The following UGGT2 variants were observed in gnomAD, a reference collection of about 807,000 sequenced individuals.
UGGT2 encodes UDP-glucose glycoprotein glucosyltransferase 2, also known as UDP-glucose:glycoprotein glucosyltransferase 2.
A neutral mutation model predicts 192.1 loss-of-function variants in UGGT2; 180 were observed. The ratio of observed to expected loss-of-function variants is 0.94; its 90% CI spans 0.83 to 1.06. The LOEUF (loss-of-function observed/expected upper bound fraction) is 1.06, where lower values mean the gene tolerates loss of function less well. UGGT2 is among the 50% of genes least tolerant of loss of function. The pLI, the probability that UGGT2 is intolerant of heterozygous loss-of-function variation, is 0.00. For missense variants in UGGT2, 1,849 were observed against 1,795.7 expected, an observed-to-expected ratio of 1.03 and a Z score of -0.54; for synonymous variants, 580 against 591.0, an observed-to-expected ratio of 0.98 and a Z score of 0.27.
intron 12 of UGGT2, among the ~76,000 whole-genome samples, chr13:95,967,150 C>A (rs1259414886): frequency 2.0e-5 from 3 of 151,068 alleles, no homozygotes. Context: ...GCACCACAGG[C>A]ATAACCTTTT....
intron 31 of UGGT2, among the ~76,000 whole-genome samples, chr13:95,862,768 A>C (rs974715610): frequency 2.6e-5 from 4 of 152,228 alleles, no homozygotes; most frequent in African/African-American, 9.6e-5. Flanking sequence ...AGTAGACCTA[A>C]GAGATGGAGA....
chr13:95,842,708 G>C (rs973244846), intron 36 of UGGT2, among the ~76,000 whole-genome samples: 1 of 152,174 alleles, frequency 6.6e-6, no homozygotes, highest in Non-Finnish European at 1.5e-5. Flanking sequence ...TCTCTCTCAT[G>C]TTTGCCCTTA....
intron 38 of UGGT2, among the ~76,000 whole-genome samples, chr13:95,820,216 C>G (rs1885363980): frequency 1.3e-5 from 2 of 151,918 alleles, no homozygotes; most frequent in Non-Finnish European, 2.9e-5. Context: ...CTTTTTATGA[C>G]ACTATAGAAT....
At chr13:95,972,851 T>C (rs1333468516) in intron 10 of UGGT2, among the ~76,000 whole-genome samples, 180 bp from the exon 11 acceptor site, 1 of 152,214 alleles carries the variant, frequency 6.6e-6, no homozygotes, top group Non-Finnish European at 1.5e-5. Flanking sequence ...TGTAAACAAA[T>C]GGACATTGCA....
chr13:96,027,035 C>G (rs1420337886), intron 2 of UGGT2, among the ~76,000 whole-genome samples: 1 of 152,058 alleles, frequency 6.6e-6, no homozygotes, highest in Admixed American at 6.6e-5. Flanking sequence ...GTGAGTTTTC[C>G]TCCAAGAATC....
intron 17 of UGGT2, among the ~76,000 whole-genome samples, chr13:95,933,891 A>G (rs574484205): frequency 6.6e-5 from 10 of 152,100 alleles, no homozygotes; most frequent in Non-Finnish European, 1.2e-4. Context: ...TCACTGTGTT[A>G]GCCAGGATGG....
At chr13:95,860,433 A>G (rs975106774) in intron 32 of UGGT2, among the ~76,000 whole-genome samples, 2 of 150,002 alleles carry the variant, frequency 1.3e-5, no homozygotes, top group African/African-American at 4.9e-5. Context: ...AATATTCCAA[A>G]TCAAGCCAAA....
intron 17 of UGGT2, among the ~76,000 whole-genome samples, chr13:95,934,098 T>C (rs936150967): frequency 1.3e-5 from 2 of 152,230 alleles, no homozygotes; most frequent in Non-Finnish European, 2.9e-5. Flanking sequence ...TTTTTATTAT[T>C]GCTGCCTTAA....
chr13:95,826,842 G>A (rs1240353785), intron 38 of UGGT2, among the ~76,000 whole-genome samples: 1 of 151,550 alleles, frequency 6.6e-6, no homozygotes, highest in Non-Finnish European at 1.5e-5. Flanking sequence ...CTGAAACTAA[G>A]TTGATTCTAA....
At chr13:96,040,098 C>G (rs1267848614) in intron 1 of UGGT2, among the ~76,000 whole-genome samples, 1 of 152,246 alleles carries the variant, frequency 6.6e-6, no homozygotes. Context: ...AACTCCACAG[C>G]TACTTCTACA....
chr13:95,900,189 T>C (rs780935516), intron 22 of UGGT2, among the ~76,000 whole-genome samples: 1 of 152,008 alleles, frequency 6.6e-6, no homozygotes, highest in Non-Finnish European at 1.5e-5. Flanking sequence ...TGATGTAAAA[T>C]TATATATAGT....
intron 20 of UGGT2, among the ~76,000 whole-genome samples, chr13:95,918,801 AAGAG>A (rs2048757338): frequency 6.6e-6 from 1 of 152,194 alleles, no homozygotes; most frequent in East Asian, 1.9e-4. Context: ...AGGTACAATG[AAGAG>A]CTGGTATCAT....
intron 20 of UGGT2, among the ~76,000 whole-genome samples, chr13:95,920,319 T>C (rs779976977): frequency 3.9e-5 from 6 of 152,066 alleles, no homozygotes; most frequent in Non-Finnish European, 8.8e-5. Flanking sequence ...CAAAAGCAAT[T>C]GCAATAAAAG....
At chr13:95,986,599 A>G (rs1335990014) in intron 8 of UGGT2, among the ~76,000 whole-genome samples, 167 bp from the exon 9 acceptor site, 1 of 152,126 alleles carries the variant, frequency 6.6e-6, no homozygotes, top group Non-Finnish European at 1.5e-5. Flanking sequence ...TAAAGTTATC[A>G]CTTATTTCCA....
chr13:96,042,329 A>T (rs2053188558), intron 1 of UGGT2, among the ~76,000 whole-genome samples: 2 of 152,186 alleles, frequency 1.3e-5, no homozygotes, highest in African/African-American at 4.8e-5. Flanking sequence ...GTACTACATC[A>T]AGGGAACACC....
At chr13:95,897,518 A>G (rs1245131465) in intron 22 of UGGT2, among the ~76,000 whole-genome samples, 1 of 152,198 alleles carries the variant, frequency 6.6e-6, no homozygotes, top group Non-Finnish European at 1.5e-5. Flanking sequence ...AAACAATTTT[A>G]ACTTTTCATA....
intron 10 of UGGT2, among the ~76,000 whole-genome samples, chr13:95,980,520 G>A (rs2051085765): frequency 6.6e-6 from 1 of 152,108 alleles, no homozygotes; most frequent in Non-Finnish European, 1.5e-5. Flanking sequence ...TTCAGGTGAT[G>A]GGTGCACCAA....
intron 26 of UGGT2, among the ~76,000 whole-genome samples, chr13:95,886,133 TA>T (rs1334563825): frequency 6.6e-6 from 1 of 152,078 alleles, no homozygotes; most frequent in Non-Finnish European, 1.5e-5. Context: ...AATGTTTAAC[TA>T]AAAAAGAAGA....
intron 15 of UGGT2, among the ~76,000 whole-genome samples, chr13:95,941,043 C>A (rs1331729487): frequency 6.6e-6 from 1 of 152,018 alleles, no homozygotes; most frequent in African/African-American, 2.4e-5. Flanking sequence ...CCTCTATGAC[C>A]CAGGTGCTGT....
Sources: gnomAD v4.1 joint callset for allele counts (sites outside exome capture counted in the v4.1 genomes callset) on GRCh38, gnomAD v4.1.1 for gene constraint, MANE v1.5 for transcripts, NCBI Gene and HGNC (gene_info 2026-07-23, HGNC 2026-07-21) for gene names.